The following YAP1 variants were observed in gnomAD, a reference collection of about 807,000 sequenced individuals.
YAP1 encodes the protein Yes1 associated transcriptional regulator.
A neutral mutation model predicts 56.9 loss-of-function variants in YAP1; 5 were observed. That is an observed-to-expected ratio of 0.09 (90% CI 0.05 to 0.18). YAP1 has a LOEUF of 0.18. YAP1 is among the 10% of genes least tolerant of loss of function. The pLI is 1.00. For synonymous variants in YAP1, 265 were observed against 248.1 expected (o/e 1.07, Z -0.64); for missense variants, 539 against 651.8 (o/e 0.83, Z 1.88).
At chr11:102,165,876 T>C (rs1322801686) in intron 3 of YAP1, among the ~76,000 whole-genome samples, 1 of 152,162 alleles carries the variant, frequency 6.6e-6, no homozygotes, top group Non-Finnish European at 1.5e-5. Flanking sequence ...ATACTATTAA[T>C]AGTAGATAAT....
chr11:102,225,994 C>G (rs1360193677), intron 7 of YAP1, among the ~76,000 whole-genome samples: 1 of 152,172 alleles, frequency 6.6e-6, no homozygotes, highest in African/African-American at 2.4e-5. Context: ...AAACTCTGTC[C>G]TCAGGAATGC....
chr11:102,144,890 A>G, intron 2 of YAP1, among the ~76,000 whole-genome samples: 1 of 150,666 alleles, frequency 6.6e-6, no homozygotes, highest in South Asian at 2.1e-4. Context: ...ACACACACTC[A>G]TGCTCACACA....
intron 3 of YAP1, among the ~76,000 whole-genome samples, chr11:102,179,620 T>C (rs963635761): frequency 3.3e-5 from 5 of 152,226 alleles, no homozygotes; most frequent in African/African-American, 9.6e-5. Context: ...ACAGGTCACT[T>C]CCTGCCCTTG....
At chr11:102,172,226 G>T in intron 3 of YAP1, among the ~76,000 whole-genome samples, 1 of 149,098 alleles carries the variant, frequency 6.7e-6, no homozygotes, top group Non-Finnish European at 1.5e-5. Flanking sequence ...TGTGGCAGAT[G>T]TATGCACTGA....
chr11:102,131,418 A>G (rs1944361639), intron 2 of YAP1, among the ~76,000 whole-genome samples: 1 of 152,240 alleles, frequency 6.6e-6, no homozygotes, highest in South Asian at 2.1e-4. Flanking sequence ...ATAGGTCTCA[A>G]AACTTCATTG....
At chr11:102,111,556 GCGCGCGCCTC>G (rs538549597) in intron 1 of YAP1, among the ~76,000 whole-genome samples, 2 of 151,352 alleles carry the variant, frequency 1.3e-5, no homozygotes, top group Non-Finnish European at 3.0e-5. Context: ...CTTGCACAAT[GCGCGCGCCTC>G]CGCGCGCTCC....
intron 4 of YAP1, among the ~76,000 whole-genome samples, chr11:102,187,536 TAATGA>T (rs1948039954): frequency 1.3e-5 from 2 of 152,330 alleles, no homozygotes; most frequent in African/African-American, 4.8e-5. Flanking sequence ...AAATTATCTC[TAATGA>T]AATGAATGAA....
intron 7 of YAP1, among the ~76,000 whole-genome samples, chr11:102,226,338 G>A (rs562660201): frequency 2.0e-5 from 3 of 152,252 alleles, no homozygotes; most frequent in Admixed American, 1.3e-4. Context: ...GGGAGAGAGA[G>A]AACAAGGCAA....
intron 3 of YAP1, among the ~76,000 whole-genome samples, chr11:102,172,897 A>G (rs1317957922): frequency 6.6e-6 from 1 of 152,136 alleles, no homozygotes; most frequent in Non-Finnish European, 1.5e-5. Context: ...TGCATAACAC[A>G]ACAGCCCGTT....
At position 102,232,558 on chromosome 11, in the gene YAP1, TAA is replaced by T. The variant is rs2135738816; in HGVS notation, c.*2619_*2620del. On this transcript the variant is annotated 3_prime_UTR_variant, in exon 9 of 9. Coordinates refer to ENST00000282441, the MANE Select transcript of YAP1 (RefSeq NM_001130145.3). The stretch of plus-strand genomic sequence containing the variant: ...CCTCTGTACTGACCTGAAGGAGACC[TAA>T]GAGTCCTTTCCCTTTTTGAGTTTGA... The T allele has an allele frequency of 6.5e-6, 1 of 152,724 alleles. No individual in the cohort carries two copies. The highest frequency in any genetic ancestry group is 1.5e-5 in the Non-Finnish European group (1 of 68,034). 9.5% of individuals were successfully genotyped at this position (152,724 alleles called of 1,614,324 possible). A position where few individuals can be genotyped will look rare whatever the true frequency, so the allele number is the denominator to read the frequency against.
intron 2 of YAP1, among the ~76,000 whole-genome samples, chr11:102,160,806 A>G (rs111401107): frequency 0.019 from 2,893 of 152,228 alleles, 32 homozygotes; most frequent in Middle Eastern, 0.031. Context: ...CTTGTATCCT[A>G]TTCCTTCCTG....
rs1441480706 is a variant in YAP1 at position 102,232,972 on chromosome 11, T to A, written c.*3032T>A. On this transcript the variant is annotated 3_prime_UTR_variant, in exon 9 of 9. Coordinates refer to ENST00000282441, the MANE Select transcript of YAP1 (RefSeq NM_001130145.3). ...AAATACATGCCTTCTATATGGAACA[T>A]GGCAGAAAGACTGAAAAATAACAGT... 1 of 152,252 alleles carries A rather than the reference T, an allele frequency of 6.6e-6. No homozygotes were observed. Among genetic ancestry groups the A allele is most frequent in the African/African-American group, 2.4e-5 (1 of 41,474 alleles). 9.4% of individuals were successfully genotyped at this position (152,252 alleles called of 1,614,324 possible).
intron 4 of YAP1, among the ~76,000 whole-genome samples, chr11:102,204,328 AT>A (rs746432057): frequency 2.0e-5 from 3 of 152,064 alleles, no homozygotes; most frequent in Non-Finnish European, 4.4e-5. Context: ...TACTCAACTT[AT>A]GTAGAAATGG....
chr11:102,197,273 G>C (rs374994188), intron 4 of YAP1, among the ~76,000 whole-genome samples: 1 of 152,174 alleles, frequency 6.6e-6, no homozygotes, highest in Admixed American at 6.5e-5. Context: ...CTAGACAAAA[G>C]CTTTTGTTGT....
intron 3 of YAP1, among the ~76,000 whole-genome samples, chr11:102,184,654 G>C (rs999475704): frequency 2.0e-5 from 3 of 152,220 alleles, no homozygotes; most frequent in African/African-American, 7.2e-5. Flanking sequence ...TGGGTCCCAT[G>C]GGCCTTGTGT....
chr11:102,110,525 A>G lies in YAP1; in HGVS notation c.-324A>G. On this transcript the variant is annotated 5_prime_UTR_variant, in exon 1 of 9. Coordinates refer to ENST00000282441, the MANE Select transcript of YAP1 (RefSeq NM_001130145.3). ...AGAAAAGGAAATAAAGAGAAAGGGG[A>G]GGCGGGGAAAGGCAACGAGCTGTCC... 5.6e-6 allele frequency: 1 copy of G among 178,830 alleles called. No homozygotes were observed. Among genetic ancestry groups the G allele is most frequent in the Non-Finnish European group, 1.2e-5 (1 of 85,936 alleles). 11.1% of individuals were successfully genotyped at this position (178,830 alleles called of 1,614,324 possible).
intron 6 of YAP1, among the ~76,000 whole-genome samples, chr11:102,216,006 G>C (rs550258162): frequency 3.3e-5 from 5 of 152,120 alleles, no homozygotes; most frequent in African/African-American, 9.7e-5. Flanking sequence ...ACAAGCGCGC[G>C]TGCTAGCGTG....
At chr11:102,141,618 C>G (rs773507906) in intron 2 of YAP1, among the ~76,000 whole-genome samples, 2 of 152,170 alleles carry the variant, frequency 1.3e-5, no homozygotes, top group Non-Finnish European at 2.9e-5. Flanking sequence ...TAAGAATAGA[C>G]AGAATAGGAT....
At chr11:102,217,039 A>G (rs1949703174) in intron 6 of YAP1, among the ~76,000 whole-genome samples, 1 of 152,236 alleles carries the variant, frequency 6.6e-6, no homozygotes, top group Non-Finnish European at 1.5e-5. Flanking sequence ...TAAGGGTCCC[A>G]GTTTGTTCTG....
Sources: allele counts gnomAD v4.1 joint callset (sites outside exome capture counted in the v4.1 genomes callset), GRCh38; gene constraint gnomAD v4.1.1; transcripts MANE v1.5; gene names NCBI Gene and HGNC (gene_info 2026-07-23, HGNC 2026-07-21).